Variants in APH1B observed in about 807,000 individuals in gnomAD.
The protein encoded by APH1B is aph-1B gamma-secretase subunit.
APH1B carries 27 observed loss-of-function variants against 28.2 expected under a neutral mutation model. The ratio of observed to expected loss-of-function variants is 0.96; its 90% CI spans 0.70 to 1.32. APH1B has a LOEUF of 1.32. Ranked by LOEUF, APH1B falls within the 40% of genes most tolerant of loss-of-function variation. The pLI is 0.00. For synonymous variants in APH1B, 141 were observed against 124.6 expected (o/e 1.13, Z -0.88); for missense variants, 305 against 313.6 (o/e 0.97, Z 0.21).
intron 4 of APH1B, among the ~76,000 whole-genome samples, chr15:63,294,314 C>G (rs2038540509): frequency 6.6e-6 from 1 of 152,170 alleles, no homozygotes; most frequent in Non-Finnish European, 1.5e-5. Flanking sequence ...CTATTTCCAA[C>G]TTTATTGCTC....
intron 5 of APH1B, among the ~76,000 whole-genome samples, chr15:63,303,819 T>C (rs1051737704): frequency 6.6e-6 from 1 of 151,716 alleles, no homozygotes; most frequent in Non-Finnish European, 1.5e-5. Context: ...TTGTGAATGG[T>C]ACTGCTGTGA....
At chr15:63,280,078 C>G (rs561858774) in intron 2 of APH1B, among the ~76,000 whole-genome samples, 2 of 152,126 alleles carry the variant, frequency 1.3e-5, no homozygotes, top group Non-Finnish European at 2.9e-5. Flanking sequence ...GATTACAGGC[C>G]TGAGCCACCA....
intron 3 of APH1B, among the ~76,000 whole-genome samples, chr15:63,286,960 A>T (rs970297876): frequency 6.6e-6 from 1 of 152,192 alleles, no homozygotes; most frequent in African/African-American, 2.4e-5. Context: ...AGTACTCTTC[A>T]TATTAAAGCA....
intron 4 of APH1B, among the ~76,000 whole-genome samples, chr15:63,301,434 A>T (rs1410776459): frequency 6.6e-6 from 1 of 152,210 alleles, no homozygotes; most frequent in Non-Finnish European, 1.5e-5. Context: ...CCCACTTTAA[A>T]TAAAGACTGT....
rs1224412217 is a variant in APH1B at position 63,277,673 on chromosome 15, C to T, written c.50C>T (p.Ala17Val). 6.2e-7 allele frequency: 1 copy of T among 1,610,620 alleles called. No homozygotes were observed. The highest frequency in any genetic ancestry group is 2.3e-5 in the East Asian group (1 of 44,316). The stretch of plus-strand genomic sequence containing the variant: ...TGCGCCTTCATTGCCTTCGGGCCTG[C>T]GCTCGCCCTTTATGTCTTCACCATC... ...FGCAFIAFGP[A>V]LALYVFTIAT... The change falls in exon 1 of 6, where the codon GCG becomes GTG. Residue 17 changes from alanine (A) to valine (V), a missense_variant. By Grantham distance (64) the Ala-to-Val change is moderately conservative. Transcript: ENST00000261879.
chr15:63,279,306 C>A lies in APH1B; in HGVS notation c.259C>A (p.Arg87=). The A allele has an allele frequency of 1.2e-6, 2 of 1,606,140 alleles. No homozygotes were observed. The highest frequency in any genetic ancestry group is 1.7e-6 in the Non-Finnish European group (2 of 1,173,864). Residue 87 remains arginine (R), a synonymous_variant, in exon 2 of 6, where the codon CGA becomes AGA. Transcript: ENST00000261879. ...FVSVYIQEMF[R]FAYYKLLKKA... is the part of the protein sequence containing the mutation. Reference sequence around the variant, plus strand: ...CTCTGTCTATATCCAAGAAATGTTCCGATTTGCATATTATAAACTCTTAAA... The same window carrying A: ...CTCTGTCTATATCCAAGAAATGTTCAGATTTGCATATTATAAACTCTTAAA...
At chr15:63,277,816 A>C (rs2038341245) in intron 1 of APH1B, 80 bp downstream of exon 1, 2 of 1,371,898 alleles carry the variant, frequency 1.5e-6, no homozygotes, top group African/African-American at 1.5e-5. Flanking sequence ...CGGCGCCCCC[A>C]CCGCGCGGCT....
chr15:63,279,065 T>G (rs2038356647), intron 1 of APH1B, 96 bp from the exon 2 acceptor site: 1 of 1,012,198 alleles, frequency 9.9e-7, no homozygotes, highest in South Asian at 2.9e-5. Flanking sequence ...AAGAAATCTC[T>G]TCCTTCTCAA....
intron 2 of APH1B, among the ~76,000 whole-genome samples, chr15:63,281,800 T>C (rs2038391985): frequency 6.6e-6 from 1 of 151,982 alleles, no homozygotes; most frequent in Admixed American, 6.5e-5. Flanking sequence ...ATTTTCTTTT[T>C]ACACTGAGGA....
rs189919474 is a variant in APH1B, at chr15:63,292,545, T to C, written c.478+4999T>C. 3.1e-3 allele frequency among the ~76,000 whole-genome samples: 464 copies of C among 152,022 alleles called. 2 individuals are homozygous for C. The highest frequency in any genetic ancestry group is 4.7e-3 in the Non-Finnish European group (320 of 67,946). On this transcript the variant is annotated intron_variant, in intron 4 of 5. Transcript: ENST00000261879. ...CTAGGACCACAGGCATGTGCTGCTA[T>C]GCCCAGCTAATTTTTGTATTTTTTG...
In APH1B at chr15:63,288,879, T is replaced by C. The variant is rs138864607; in HGVS notation, c.478+1333T>C. Among the ~76,000 whole-genome samples the C allele has an allele frequency of 7.4e-4, 112 of 152,354 alleles. 3 individuals are homozygous for C. In the East Asian group the frequency reaches 0.014, roughly 19 times the overall value. On this transcript the variant is annotated intron_variant, in intron 4 of 5. Coordinates refer to ENST00000261879, the MANE Select transcript of APH1B (RefSeq NM_031301.4). ...ACATAATCGTAAGGGGTGTTAGTGC[T>C]ACAGTTTGTTTTCTGTTTTCATATA...
At chr15:63,302,262 C>A in intron 4 of APH1B, 83 bp from the exon 5 acceptor site, 5 of 1,514,308 alleles carry the variant, frequency 3.3e-6, no homozygotes, top group Non-Finnish European at 4.4e-6. Flanking sequence ...GTGGTGGACA[C>A]CCCGAGAGCC....
chr15:63,288,802 A>C lies in APH1B; in HGVS notation c.478+1256A>C, dbSNP rs150245114. On this transcript the variant is annotated intron_variant, in intron 4 of 5. Coordinates refer to ENST00000261879, the MANE Select transcript of APH1B (RefSeq NM_031301.4). Reference sequence around the variant, plus strand: ...GATTATACTGAGTGTTAGGTCTTTAAAACAAATGTAATATTAGTAAAGTCT... The same window carrying C: ...GATTATACTGAGTGTTAGGTCTTTACAACAAATGTAATATTAGTAAAGTCT... 5.0e-4 allele frequency among the ~76,000 whole-genome samples: 76 copies of C among 152,366 alleles called. No individual in the cohort carries two copies. In the East Asian group the frequency reaches 0.014, roughly 28 times the overall value.
intron 4 of APH1B, chr15:63,291,646 A>G (rs1360280410): frequency 6.6e-6 from 1 of 152,188 alleles, no homozygotes; most frequent in Non-Finnish European, 1.5e-5. Context: ...AAAATAAAAG[A>G]GGAATGTGGG....
At position 63,277,922 on chromosome 15, in the gene APH1B, C is replaced by T; in HGVS notation, c.113+186C>T. ...CCTCGCCCTCTTAGGAAGAAGCGCA[C>T]ACTGGGGGTCAGGGCCTTTTGCCTG... On this transcript the variant is annotated intron_variant, in intron 1 of 5. Transcript: ENST00000261879. 2.3e-5 allele frequency: 14 copies of T among 606,154 alleles called. No homozygotes were observed. The South Asian group carries it at 2.7e-4, about 11-fold the overall frequency. The allele number at this position is 606,154 out of a possible 1,614,324, so 37.5% of individuals were successfully genotyped here.
At chr15:63,281,545 A>C (rs370167605) in intron 2 of APH1B, among the ~76,000 whole-genome samples, 2,275 of 151,794 alleles carry the variant, frequency 0.015, 77 homozygotes, top group African/African-American at 0.053. Context: ...AAAAAAAAAA[A>C]AAAAAACAAA....
intron 4 of APH1B, among the ~76,000 whole-genome samples, chr15:63,291,109 GAATT>G (rs2038502007): frequency 6.6e-6 from 1 of 151,944 alleles, no homozygotes; most frequent in Non-Finnish European, 1.5e-5. Context: ...GAGTTGTTGA[GAATT>G]AAATGAAATT....
intron 2 of APH1B, among the ~76,000 whole-genome samples, chr15:63,280,713 T>C (rs1595758223): frequency 1.3e-5 from 2 of 152,210 alleles, no homozygotes; most frequent in Non-Finnish European, 2.9e-5. Flanking sequence ...TAAATAAATA[T>C]CAAAGGTAAC....
chr15:63,300,604 C>T (rs1015927163), intron 4 of APH1B, among the ~76,000 whole-genome samples: 2 of 152,198 alleles, frequency 1.3e-5, no homozygotes, highest in African/African-American at 4.8e-5. Context: ...TTTCCGGGGT[C>T]ATCACCGGGG....
Sources: gnomAD v4.1 joint callset for allele counts (sites outside exome capture counted in the v4.1 genomes callset) on GRCh38, gnomAD v4.1.1 for gene constraint, MANE v1.5 for transcripts, NCBI Gene and HGNC (gene_info 2026-07-23, HGNC 2026-07-21) for gene names.